KRABD5: variants seen among roughly 807,000 people sequenced by gnomAD.
KRABD5 encodes KRAB domain containing 5.
chr16:31,716,705 G>A, the KRABD5 span, among the ~76,000 whole-genome samples: 1 of 151,958 alleles, frequency 6.6e-6, no homozygotes, highest in Non-Finnish European at 1.5e-5. Flanking sequence ...ATGTGCATGC[G>A]GTGTGTCCAA....
the KRABD5 span, among the ~76,000 whole-genome samples, chr16:31,729,424 G>A: frequency 1.3e-5 from 2 of 152,286 alleles, no homozygotes; most frequent in East Asian, 1.9e-4. Context: ...CCAAAGGCAC[G>A]AGGGGGAGAG....
chr16:31,738,714 A>G, the KRABD5 span, among the ~76,000 whole-genome samples: 10 of 151,948 alleles, frequency 6.6e-5, no homozygotes, highest in Non-Finnish European at 1.5e-4. Context: ...CATTTTGTTC[A>G]ATTTTTTGTT....
the KRABD5 span, chr16:31,757,015 T>A: frequency 6.6e-6 from 1 of 152,352 alleles, no homozygotes; most frequent in South Asian, 2.1e-4. Flanking sequence ...AATTTTTCTC[T>A]GATAAATCTA....
the KRABD5 span, chr16:31,755,688 A>G: frequency 4.5e-6 from 2 of 440,258 alleles, no homozygotes; most frequent in Middle Eastern, 3.4e-4. Flanking sequence ...CTTACTCGAC[A>G]TAAAAGTATT....
At chr16:31,733,283 C>T in the KRABD5 span, among the ~76,000 whole-genome samples, 1 of 151,998 alleles carries the variant, frequency 6.6e-6, no homozygotes, top group African/African-American at 2.4e-5. Context: ...AGGAAATAAT[C>T]TTAAATTCAC....
chr16:31,753,856 G>A, the KRABD5 span: 9 of 1,551,220 alleles, frequency 5.8e-6, no homozygotes, highest in Non-Finnish European at 7.0e-6. Flanking sequence ...TATGGGAGCT[G>A]TGGCCCTCAG....
At chr16:31,754,254 T>TC in the KRABD5 span, 1 of 641,040 alleles carries the variant, frequency 1.6e-6, no homozygotes, top group East Asian at 2.7e-5. Flanking sequence ...ATTTGATGGA[T>TC]CTTTGTTAAA....
the KRABD5 span, among the ~76,000 whole-genome samples, chr16:31,746,581 T>C: frequency 3.3e-5 from 5 of 152,286 alleles, no homozygotes; most frequent in African/African-American, 9.6e-5. Context: ...GAGAATCTGA[T>C]GAGTATGTGT....
chr16:31,734,260 T>C, the KRABD5 span, among the ~76,000 whole-genome samples: 1 of 151,882 alleles, frequency 6.6e-6, no homozygotes, highest in Admixed American at 6.6e-5. Context: ...TTAGCTTTTA[T>C]TGTTTGTAGA....
the KRABD5 span, chr16:31,755,604 A>G: frequency 2.1e-6 from 1 of 478,714 alleles, no homozygotes; most frequent in Non-Finnish European, 4.3e-6. Context: ...CTTAGACGAC[A>G]TCAGATGATT....
chr16:31,740,323 T>C, the KRABD5 span, among the ~76,000 whole-genome samples: 1 of 152,216 alleles, frequency 6.6e-6, no homozygotes, highest in African/African-American at 2.4e-5. Context: ...TCAAGCTTGT[T>C]GGGTTATTTT....
the KRABD5 span, among the ~76,000 whole-genome samples, chr16:31,729,066 C>T: frequency 6.6e-6 from 1 of 152,244 alleles, no homozygotes; most frequent in African/African-American, 2.4e-5. Flanking sequence ...TGTCAGACAG[C>T]CTGTTTTGTC....
At chr16:31,747,996 T>G in the KRABD5 span, among the ~76,000 whole-genome samples, 1 of 152,216 alleles carries the variant, frequency 6.6e-6, no homozygotes, top group African/African-American at 2.4e-5. Context: ...TTAGTTTAAT[T>G]AGATCCCATT....
At chr16:31,728,880 A>G in the KRABD5 span, among the ~76,000 whole-genome samples, 1 of 152,100 alleles carries the variant, frequency 6.6e-6, no homozygotes, top group African/African-American at 2.4e-5. Context: ...TAGGGTACTA[A>G]TGTTCTCTTT....
the KRABD5 span, among the ~76,000 whole-genome samples, chr16:31,730,441 G>T: frequency 6.6e-6 from 1 of 151,930 alleles, no homozygotes; most frequent in Non-Finnish European, 1.5e-5. Context: ...AGTTTCCCTT[G>T]TATGTGAAGA....
the KRABD5 span, among the ~76,000 whole-genome samples, chr16:31,744,371 A>G: frequency 6.6e-6 from 1 of 152,192 alleles, no homozygotes; most frequent in African/African-American, 2.4e-5. Flanking sequence ...TTCTGTATCT[A>G]TTGAGATAAT....
chr16:31,757,846 GTAGGTAGATAGATAGATAGA>G, the KRABD5 span: 1 of 95,994 alleles, frequency 1.0e-5, no homozygotes, highest in Admixed American at 1.1e-4. Flanking sequence ...AGGTAGGTAG[GTAGGTAGATAGATAGATAGA>G]TAGATAGATA....
chr16:31,741,626 T>C, the KRABD5 span, among the ~76,000 whole-genome samples: 1 of 152,142 alleles, frequency 6.6e-6, no homozygotes. Context: ...GTGTCTGCTC[T>C]TGCCCTTTGC....
chr16:31,724,463 G>A, the KRABD5 span, among the ~76,000 whole-genome samples: 2 of 151,980 alleles, frequency 1.3e-5, no homozygotes, highest in African/African-American at 4.8e-5. Context: ...CGATGCAGGC[G>A]GATCATGAGG....
Sources: allele counts gnomAD v4.1 joint callset (sites outside exome capture counted in the v4.1 genomes callset), GRCh38; gene constraint gnomAD v4.1.1; transcripts MANE v1.5; gene names NCBI Gene and HGNC (gene_info 2026-07-23, HGNC 2026-07-21).